MORN1: variants seen among roughly 807,000 people sequenced by gnomAD.
MORN1 encodes MORN repeat-containing protein 1.
Under a neutral mutation model 61.9 loss-of-function variants are expected in MORN1, and 67 were observed. The observed-to-expected ratio is 1.08, with a 90% confidence interval of 0.89 to 1.33. MORN1 has a LOEUF of 1.33. Ranked by LOEUF, MORN1 falls within the 40% of genes most tolerant of loss-of-function variation. The probability of loss-of-function intolerance (pLI) is 0.00; values close to 1 mark genes in which losing one functional copy is unlikely to be tolerated. For synonymous variants in MORN1, 301 were observed against 292.0 expected, an observed-to-expected ratio of 1.03 and a Z score of -0.31; for missense variants, 752 against 691.2, an observed-to-expected ratio of 1.09 and a Z score of -0.99.
At chr1:2,387,388 T>C in intron 4 of MORN1, 31 bp downstream of exon 4, 3 of 1,542,626 alleles carry the variant, frequency 1.9e-6, no homozygotes, top group Non-Finnish European at 2.7e-6. Flanking sequence ...GCGCCCACCC[T>C]CACAGCACCC....
intron 10 of MORN1, among the ~76,000 whole-genome samples, chr1:2,356,903 G>C (rs964531436): frequency 4.6e-5 from 7 of 152,194 alleles, no homozygotes; most frequent in South Asian, 2.1e-4. Context: ...CCCAGCCTTG[G>C]GGGGCAGAGT....
chr1:2,368,474 G>A (rs984503607), intron 8 of MORN1, among the ~76,000 whole-genome samples: 2 of 152,198 alleles, frequency 1.3e-5, no homozygotes, highest in Non-Finnish European at 1.5e-5. Context: ...GGAAAGGGGT[G>A]GTAACTCCCA....
Position 2,358,714 on chromosome 1 carries a change from G to C in MORN1, c.747C>G (p.Ser249Arg). The change falls in exon 9 of 14, where the codon AGC (serine) becomes AGG (arginine). Residue 249 changes from serine to arginine, a missense_variant and splice_region_variant. Transcript: ENST00000378531. ...LLQDHGEIAK[S>R]ESGRVLQISA... ...AGATCTGCAGGACCCGGCCGCTCTC[G>C]CCTTCCAGGAGAGAGGAGCAGGCAG... 2.5e-6 allele frequency: 4 copies of C among 1,608,270 alleles called. No individual in the cohort carries two copies. The highest frequency in any genetic ancestry group is 3.4e-6 in the Non-Finnish European group (4 of 1,176,962).
intron 12 of MORN1, among the ~76,000 whole-genome samples, 154 bp downstream of exon 12, chr1:2,336,315 G>C (rs553359206): frequency 1.3e-5 from 2 of 152,122 alleles, no homozygotes; most frequent in African/African-American, 4.8e-5. Context: ...CCTGGCTGGC[G>C]GGGGGGCTCT....
chr1:2,345,447 G>A (rs891195819), intron 10 of MORN1, among the ~76,000 whole-genome samples: 13 of 152,194 alleles, frequency 8.5e-5, no homozygotes, highest in African/African-American at 2.7e-4. Flanking sequence ...GGAGAGCCTC[G>A]GGCTCACCCT....
At chr1:2,385,458 C>A (rs951310876) in intron 5 of MORN1, 2 of 375,386 alleles carry the variant, frequency 5.3e-6, no homozygotes, top group Admixed American at 4.3e-5. Context: ...GCTCTGCTGG[C>A]CGGAGAGCAC....
At position 2,388,238 on chromosome 1, in the gene MORN1, C is replaced by T. The variant is rs767010496; in HGVS notation, c.247+1G>A. The stretch of plus-strand genomic sequence containing the variant: ...AATGTGCCATCCCAGCTAGAGCTCA[C>T]CTGACCAGGCCCAGTGCCGGCGGCC... On this transcript the variant is annotated splice_donor_variant, in intron 3 of 13. Transcript: ENST00000378531. LOFTEE classifies it high-confidence loss of function. The T allele has an allele frequency of 9.9e-6, 16 of 1,613,246 alleles. No individual in the cohort carries two copies. The highest frequency in any genetic ancestry group is 2.2e-5 in the East Asian group (1 of 44,868).
intron 8 of MORN1, among the ~76,000 whole-genome samples, chr1:2,367,321 A>G (rs534964288): frequency 8.6e-5 from 13 of 151,606 alleles, no homozygotes; most frequent in African/African-American, 2.7e-4. Flanking sequence ...AAAAAAAAAA[A>G]AAAGAAAAAG....
intron 8 of MORN1, among the ~76,000 whole-genome samples, chr1:2,360,732 G>C (rs901832570): frequency 6.6e-6 from 1 of 152,186 alleles, no homozygotes; most frequent in South Asian, 2.1e-4. Flanking sequence ...AAAACTCCAC[G>C]AGGCTGGGGA....
At chr1:2,330,998 G>A (rs1313370609) in intron 12 of MORN1, among the ~76,000 whole-genome samples, 2 of 152,218 alleles carry the variant, frequency 1.3e-5, no homozygotes, top group Non-Finnish European at 2.9e-5. Flanking sequence ...CGCCTGGAAT[G>A]TCTCTGCAGG....
chr1:2,382,018 C>T (rs1271332275), intron 6 of MORN1, among the ~76,000 whole-genome samples: 1 of 152,164 alleles, frequency 6.6e-6, no homozygotes, highest in African/African-American at 2.4e-5. Context: ...GCGCTGGTGA[C>T]CAGCAAGCAG....
At chr1:2,349,073 TG>T (rs775122828) in intron 10 of MORN1, among the ~76,000 whole-genome samples, 4 of 152,112 alleles carry the variant, frequency 2.6e-5, no homozygotes, top group Non-Finnish European at 5.9e-5. Context: ...GCCCTGTGCT[TG>T]GGGGCTTCCC....
chr1:2,353,581 T>C (rs1016827819), intron 10 of MORN1, among the ~76,000 whole-genome samples: 1 of 152,242 alleles, frequency 6.6e-6, no homozygotes, highest in African/African-American at 2.4e-5. Flanking sequence ...GCTGAAGCCA[T>C]GATTACTTTA....
intron 1 of MORN1, among the ~76,000 whole-genome samples, chr1:2,391,048 C>T (rs1309493375): frequency 6.6e-6 from 1 of 152,214 alleles, no homozygotes. Context: ...TGAAACGCGT[C>T]CTAGCGTTTC....
In MORN1 at chr1:2,330,911, CCTT is replaced by C. The variant is rs1641134338; in HGVS notation, c.1250+5555_1250+5557del. ...CATGGCCACGTTGATTAAACCGAGT[CCTT>C]CTTCTGCAGCTGACATAATCTCACA... On this transcript the variant is annotated intron_variant, in intron 12 of 13. Transcript: ENST00000378531. Among the ~76,000 whole-genome samples, 3 of 152,252 alleles carry C rather than the reference CCTT, an allele frequency of 2.0e-5. 1 individual carries two copies. The highest frequency in any genetic ancestry group is 7.2e-5 in the African/African-American group (3 of 41,474).
At chr1:2,376,758 C>G (rs1321812542) in intron 6 of MORN1, 1 of 152,234 alleles carries the variant, frequency 6.6e-6, no homozygotes, top group Non-Finnish European at 1.5e-5. Flanking sequence ...GCCAGGCAAG[C>G]TTTCATGCAG....
In MORN1 at chr1:2,374,855, T is replaced by C. The variant is rs562265315; in HGVS notation, c.538-298A>G. Reference sequence around the variant, plus strand: ...AAACAAAACCTCGAAGGGGCACATTTCAGCAAAAAAAAAAAATCCTTTTAA... The same window carrying C: ...AAACAAAACCTCGAAGGGGCACATTCCAGCAAAAAAAAAAAATCCTTTTAA... On this transcript the variant is annotated intron_variant, in intron 6 of 13. Coordinates refer to ENST00000378531, the MANE Select transcript of MORN1 (RefSeq NM_024848.3). 10 of 321,160 alleles carry C rather than the reference T, an allele frequency of 3.1e-5. No homozygotes were observed. The East Asian group carries it at 4.7e-4, about 15-fold the overall frequency. 19.9% of individuals were successfully genotyped at this position (321,160 alleles called of 1,614,324 possible). A position where few individuals can be genotyped will look rare whatever the true frequency, so the allele number is the denominator to read the frequency against.
intron 10 of MORN1, among the ~76,000 whole-genome samples, chr1:2,339,126 C>CT (rs1454599848): frequency 2.0e-5 from 3 of 152,290 alleles, no homozygotes; most frequent in South Asian, 4.1e-4. Context: ...GGCCAAGACG[C>CT]TTTTTGTTGC....
intron 6 of MORN1, among the ~76,000 whole-genome samples, chr1:2,379,822 G>A (rs911763552): frequency 2.0e-5 from 3 of 152,228 alleles, no homozygotes; most frequent in Non-Finnish European, 4.4e-5. Flanking sequence ...CCGCTGTGGA[G>A]AACAGCATGG....
Sources: gnomAD v4.1 joint callset for allele counts (sites outside exome capture counted in the v4.1 genomes callset) on GRCh38, gnomAD v4.1.1 for gene constraint, MANE v1.5 for transcripts, NCBI Gene and HGNC (gene_info 2026-07-23, HGNC 2026-07-21) for gene names.